Variants in PDE7B observed in about 807,000 individuals in gnomAD.
The protein encoded by PDE7B is 3',5'-cyclic-AMP phosphodiesterase 7B.
A neutral mutation model predicts 56.2 loss-of-function variants in PDE7B; 29 were observed. The observed-to-expected ratio is 0.52, with a 90% CI of 0.38 to 0.70. The LOEUF is 0.70. Among genes scored for constraint, PDE7B ranks in the 30% least tolerant of loss-of-function variants. The pLI is 0.00. For missense variants in PDE7B, 490 were observed against 565.0 expected (o/e 0.87, Z 1.35); for synonymous variants, 197 against 196.9 (o/e 1.00, Z 0.00).
chr6:135,965,896 T>A (rs974779277), intron 2 of PDE7B, among the ~76,000 whole-genome samples: 4 of 152,080 alleles, frequency 2.6e-5, no homozygotes, highest in African/African-American at 9.7e-5. Flanking sequence ...CCAGAGGAAA[T>A]TTTTGAACAC....
At chr6:136,075,017 A>T (rs751805621) in intron 2 of PDE7B, among the ~76,000 whole-genome samples, 2 of 152,196 alleles carry the variant, frequency 1.3e-5, no homozygotes, top group Non-Finnish European at 2.9e-5. Context: ...TCTATGCAAG[A>T]TCATTCAATT....
chr6:136,125,723 T>C (rs1203725866), intron 3 of PDE7B, among the ~76,000 whole-genome samples: 1 of 152,180 alleles, frequency 6.6e-6, no homozygotes, highest in Non-Finnish European at 1.5e-5. Flanking sequence ...GAGGAAACTC[T>C]GACCTTAGTT....
At chr6:135,976,642 T>A (rs975802959) in intron 2 of PDE7B, among the ~76,000 whole-genome samples, 13 of 152,220 alleles carry the variant, frequency 8.5e-5, no homozygotes, top group Admixed American at 2.0e-4. Flanking sequence ...TTAAGCCATC[T>A]TTTAAATCAT....
At chr6:135,977,763 C>T (rs1474245201) in intron 2 of PDE7B, among the ~76,000 whole-genome samples, 2 of 152,108 alleles carry the variant, frequency 1.3e-5, no homozygotes, top group South Asian at 2.1e-4. Context: ...AGATGACCAT[C>T]TTCAAAGTGT....
At chr6:136,175,594 G>C (rs1778964226) in intron 9 of PDE7B, among the ~76,000 whole-genome samples, 1 of 151,858 alleles carries the variant, frequency 6.6e-6, no homozygotes, top group Admixed American at 6.6e-5. Flanking sequence ...TTATATTTGG[G>C]GAACTTATTT....
intron 2 of PDE7B, among the ~76,000 whole-genome samples, chr6:135,980,390 T>G (rs993498298): frequency 4.6e-5 from 7 of 152,144 alleles, no homozygotes; most frequent in East Asian, 1.9e-4. Context: ...GGCAAGAACT[T>G]CATGTCTAAA....
chr6:136,106,708 A>AAAAC (rs1777650058), intron 2 of PDE7B, among the ~76,000 whole-genome samples: 1 of 152,222 alleles, frequency 6.6e-6, no homozygotes, highest in Middle Eastern at 3.2e-3. Context: ...CCAATGAGAA[A>AAAAC]AAACAAGAAG....
chr6:135,932,226 G>A (rs1006867052), intron 1 of PDE7B, among the ~76,000 whole-genome samples: 1 of 152,004 alleles, frequency 6.6e-6, no homozygotes, highest in Admixed American at 6.6e-5. Flanking sequence ...GAATGAATCA[G>A]CCCTACTATT....
At chr6:135,918,428 T>C (rs949013424) in intron 1 of PDE7B, among the ~76,000 whole-genome samples, 2 of 152,202 alleles carry the variant, frequency 1.3e-5, no homozygotes, top group African/African-American at 2.4e-5. Context: ...TCATTATTTA[T>C]GAATCTAAAA....
intron 1 of PDE7B, among the ~76,000 whole-genome samples, chr6:135,902,333 T>G (rs1287888290): frequency 3.8e-5 from 4 of 106,180 alleles, no homozygotes; most frequent in Admixed American, 3.6e-4. Context: ...ATGTGAAGGT[T>G]TTTTTTTTTT....
rs1289658799 is a variant in PDE7B, at chr6:136,193,912, T to A, written c.*2072T>A. ...GTGAAGATCTTATGAAATAGGTGGA[T>A]GGTAAGTTGAAATTATTGATGTGGG... On this transcript the variant is annotated 3_prime_UTR_variant, in exon 13 of 13. Coordinates refer to ENST00000308191, the MANE Select transcript of PDE7B (RefSeq NM_018945.4). 2 of 152,132 alleles carry A rather than the reference T, an allele frequency of 1.3e-5. No homozygotes were observed. The highest frequency in any genetic ancestry group is 1.5e-5 in the Non-Finnish European group (1 of 68,014). The allele number at this position is 152,132 out of a possible 1,614,324, so 9.4% of individuals were successfully genotyped here.
intron 1 of PDE7B, among the ~76,000 whole-genome samples, chr6:135,858,987 G>C (rs753872327): frequency 6.6e-6 from 1 of 151,588 alleles, no homozygotes; most frequent in South Asian, 2.1e-4. Flanking sequence ...TGTACAGCTT[G>C]TGCAGTTATG....
chr6:136,102,281 G>A (rs564821873), intron 2 of PDE7B, among the ~76,000 whole-genome samples: 26 of 151,842 alleles, frequency 1.7e-4, no homozygotes, highest in Non-Finnish European at 3.4e-4. Flanking sequence ...GGTGGGTGGG[G>A]GTTTGGGAAG....
intron 2 of PDE7B, among the ~76,000 whole-genome samples, chr6:136,018,993 C>T (rs981673153): frequency 6.6e-6 from 1 of 152,066 alleles, no homozygotes; most frequent in Non-Finnish European, 1.5e-5. Context: ...AGAAATGTCT[C>T]ATGGCCACCC....
intron 2 of PDE7B, among the ~76,000 whole-genome samples, chr6:136,105,693 T>C (rs1457425747): frequency 1.3e-5 from 2 of 152,174 alleles, no homozygotes; most frequent in Non-Finnish European, 2.9e-5. Context: ...GACTTCAGAG[T>C]GATTACTGAT....
At chr6:135,936,450 T>C (rs1774422743) in intron 1 of PDE7B, among the ~76,000 whole-genome samples, 1 of 152,180 alleles carries the variant, frequency 6.6e-6, no homozygotes, top group East Asian at 1.9e-4. Context: ...GGCTGGAGTT[T>C]AACAAGTGTG....
intron 1 of PDE7B, among the ~76,000 whole-genome samples, chr6:135,916,657 C>A (rs1301583351): frequency 6.6e-6 from 1 of 151,950 alleles, no homozygotes; most frequent in Non-Finnish European, 1.5e-5. Flanking sequence ...TCCCAAAGTG[C>A]TGGGATTACA....
chr6:136,092,273 G>A (rs1777399547), intron 2 of PDE7B, among the ~76,000 whole-genome samples: 1 of 152,240 alleles, frequency 6.6e-6, no homozygotes. Context: ...TCATGTAATT[G>A]GGTTTGGACA....
chr6:136,146,785 A>G (rs1778419480), intron 3 of PDE7B, among the ~76,000 whole-genome samples: 2 of 152,226 alleles, frequency 1.3e-5, no homozygotes, highest in South Asian at 4.1e-4. Flanking sequence ...CAGCATCATT[A>G]ACAAGAAAAT....
Sources: gnomAD v4.1 joint callset for allele counts (sites outside exome capture counted in the v4.1 genomes callset) on GRCh38, gnomAD v4.1.1 for gene constraint, MANE v1.5 for transcripts, NCBI Gene and HGNC (gene_info 2026-07-23, HGNC 2026-07-21) for gene names.